Variants in TAAR5 observed in about 807,000 individuals in gnomAD.
TAAR5 encodes trace amine-associated receptor 5.
A neutral mutation model predicts 21.1 loss-of-function variants in TAAR5; 27 were observed. The ratio of observed to expected loss-of-function variants is 1.28; its 90% confidence interval spans 0.94 to 1.76. The LOEUF (loss-of-function observed/expected upper bound fraction) is 1.76, where lower values mean the gene tolerates loss of function less well. Ranked by LOEUF, TAAR5 falls within the 40% of genes most tolerant of loss-of-function variation. The pLI is 0.00. For synonymous variants in TAAR5, 203 were observed against 167.5 expected (o/e 1.21, Z -1.64); for missense variants, 495 against 405.6 (o/e 1.22, Z -1.89).
chr6:132,607,891 C>T, the TAAR5 span, among the ~76,000 whole-genome samples: 1 of 152,140 alleles, frequency 6.6e-6, no homozygotes, highest in Non-Finnish European at 1.5e-5. Flanking sequence ...AGATAGGAAC[C>T]AAAGCCAACA....
the TAAR5 span, chr6:132,595,253 T>G: frequency 6.5e-6 from 1 of 153,492 alleles, no homozygotes; most frequent in Non-Finnish European, 1.5e-5. Flanking sequence ...TGGAGCTGCT[T>G]GAAGTGAGCG....
At chr6:132,598,186 T>C in the TAAR5 span, among the ~76,000 whole-genome samples, 2 of 152,160 alleles carry the variant, frequency 1.3e-5, no homozygotes, top group South Asian at 4.1e-4. Context: ...CTTTGATATA[T>C]CTCATCCTTA....
chr6:132,615,160 T>C, the TAAR5 span, among the ~76,000 whole-genome samples: 1 of 152,134 alleles, frequency 6.6e-6, no homozygotes, highest in Non-Finnish European at 1.5e-5. Context: ...GTGTTTTTAA[T>C]GACCCAGTTT....
chr6:132,608,529 C>G, the TAAR5 span: 19 of 455,968 alleles, frequency 4.2e-5, no homozygotes, highest in East Asian at 1.1e-3. Context: ...CTTTCCTGTC[C>G]TTTTTCTTGG....
At chr6:132,616,135 T>A in the TAAR5 span, among the ~76,000 whole-genome samples, 1 of 152,184 alleles carries the variant, frequency 6.6e-6, no homozygotes, top group Non-Finnish European at 1.5e-5. Context: ...AAGGAAAGAT[T>A]TTTTAAATGT....
chr6:132,611,650 G>A, the TAAR5 span, among the ~76,000 whole-genome samples: 17 of 152,110 alleles, frequency 1.1e-4, no homozygotes, highest in Non-Finnish European at 1.5e-5. Context: ...ATGGCACCTT[G>A]GCATTTGAGG....
At chr6:132,615,178 T>C in the TAAR5 span, among the ~76,000 whole-genome samples, 1 of 152,134 alleles carries the variant, frequency 6.6e-6, no homozygotes, top group Non-Finnish European at 1.5e-5. Flanking sequence ...TTTGTTTTAT[T>C]TTTTTCCAAA....
chr6:132,600,764 AGAAGGAAG>A, the TAAR5 span, among the ~76,000 whole-genome samples: 3 of 145,854 alleles, frequency 2.1e-5, no homozygotes, highest in Non-Finnish European at 3.0e-5. Context: ...GAAAAAGGAA[AGAAGGAAG>A]GAAGGAGGGA....
In TAAR5 at chr6:132,589,497, C is replaced by T; in HGVS notation, c.190G>A (p.Ala64Thr). The T allele has an allele frequency of 1.2e-6, 2 of 1,613,878 alleles. No individual in the cohort carries two copies. The highest frequency in any genetic ancestry group is 1.1e-5 in the South Asian group (1 of 91,056). The change falls in exon 1 of 1, where the codon GCG becomes ACG. Residue 64 changes from alanine (A) to threonine (T), a missense_variant. Physicochemically the swap from Ala to Thr is moderately conservative, Grantham distance 58. Coordinates refer to ENST00000258034, the MANE Select transcript of TAAR5 (RefSeq NM_003967.3). Reference sequence around the variant, plus strand: ...AGGAAGTTGGTGGGCGTGTGAAGCGCTTTGAAGTAGGACACAGCAAATGCC... The same window carrying T: ...AGGAAGTTGGTGGGCGTGTGAAGCGTTTTGAAGTAGGACACAGCAAATGCC... ...FVAFAVSYFK[A>T]LHTPTNFLLL...
the TAAR5 span, among the ~76,000 whole-genome samples, chr6:132,600,102 G>A: frequency 1.3e-5 from 2 of 152,154 alleles, no homozygotes; most frequent in Non-Finnish European, 2.9e-5. Context: ...TAGAAGCACA[G>A]AACAGGGGCC....
the TAAR5 span, chr6:132,609,243 T>C: frequency 2.9e-6 from 1 of 346,836 alleles, no homozygotes; most frequent in East Asian, 7.5e-5. Context: ...TTTGGACAAC[T>C]GGATAGGTCT....
the TAAR5 span, among the ~76,000 whole-genome samples, chr6:132,598,340 G>A: frequency 2.0e-5 from 3 of 152,118 alleles, no homozygotes; most frequent in African/African-American, 4.8e-5. Flanking sequence ...TATTTTAAGA[G>A]GGGTATCTTT....
chr6:132,600,313 G>A, the TAAR5 span, among the ~76,000 whole-genome samples: 7 of 152,152 alleles, frequency 4.6e-5, no homozygotes, highest in African/African-American at 1.7e-4. Flanking sequence ...TTCTTTGAGG[G>A]AGAAGATCTG....
At position 132,588,779 on chromosome 6, in the gene TAAR5, A is replaced by T. The variant is rs1180596216; in HGVS notation, c.908T>A (p.Ile303Asn). The T allele has an allele frequency of 1.9e-6, 3 of 1,614,110 alleles. No individual in the cohort carries two copies. The highest frequency in any genetic ancestry group is 1.7e-5 in the Admixed American group (1 of 60,016). ...FAYFNSACNPIIYVFSYQWFR... is the reference protein window; with the variant it reads ...FAYFNSACNPNIYVFSYQWFR... ...CCACTGGTAGGAAAAGACATAGATG[A>T]TGGGGTTGCAGGCTGAGTTGAAGTA... Residue 303 changes from isoleucine to asparagine, a missense_variant, in exon 1 of 1, where the codon ATC (isoleucine) becomes AAC (asparagine). Transcript: ENST00000258034.
chr6:132,614,440 A>G, the TAAR5 span, among the ~76,000 whole-genome samples: 8 of 152,240 alleles, frequency 5.3e-5, no homozygotes, highest in African/African-American at 1.9e-4. Context: ...TATCTTCTCA[A>G]TTGCAACCCA....
chr6:132,593,033 C>CA (rs1164925046), upstream of TAAR5, among the ~76,000 whole-genome samples: 1 of 152,158 alleles, frequency 6.6e-6, no homozygotes, highest in Non-Finnish European at 1.5e-5. Context: ...AGTACTTGCT[C>CA]AAACTTGCTT....
At chr6:132,594,176 C>A (rs1169135142), upstream of TAAR5, among the ~76,000 whole-genome samples, 1 of 152,136 alleles carries the variant, frequency 6.6e-6, no homozygotes, top group Non-Finnish European at 1.5e-5. Context: ...GGGAGAGATT[C>A]TTTTTATTGG....
the TAAR5 span, among the ~76,000 whole-genome samples, chr6:132,615,319 G>A: frequency 6.6e-6 from 1 of 152,060 alleles, no homozygotes; most frequent in Non-Finnish European, 1.5e-5. Context: ...AGGAATAATT[G>A]TCTGAATCAT....
At chr6:132,600,911 A>AGG in the TAAR5 span, among the ~76,000 whole-genome samples, 1 of 119,486 alleles carries the variant, frequency 8.4e-6, no homozygotes, top group Non-Finnish European at 1.7e-5. Flanking sequence ...GAAGGAGGGA[A>AGG]AGAAGGAAGG....
Sources: allele counts gnomAD v4.1 joint callset (sites outside exome capture counted in the v4.1 genomes callset), GRCh38; gene constraint gnomAD v4.1.1; transcripts MANE v1.5; gene names NCBI Gene and HGNC (gene_info 2026-07-23, HGNC 2026-07-21).